Variants in RNF6 observed in about 807,000 individuals in gnomAD.
RNF6 encodes the protein ring finger protein 6.
A neutral mutation model predicts 50.1 loss-of-function variants in RNF6; 21 were observed. The ratio of observed to expected loss-of-function variants is 0.42; its 90% CI spans 0.30 to 0.60. The LOEUF (loss-of-function observed/expected upper bound fraction) is 0.60. Ranked by LOEUF, RNF6 falls within the 20% of genes least tolerant of loss-of-function variation. The pLI is 0.20. For synonymous variants in RNF6, 255 were observed against 291.8 expected, an observed-to-expected ratio of 0.87 and a Z score of 1.29; for missense variants, 698 against 838.2, an observed-to-expected ratio of 0.83 and a Z score of 2.07.
chr13:26,165,699 T>C (rs1872418869), intron 5 of RNF6, among the ~76,000 whole-genome samples: 1 of 152,270 alleles, frequency 6.6e-6, no homozygotes, highest in Non-Finnish European at 1.5e-5. Context: ...TTGACTGCCC[T>C]GCTGGATTTT....
At chr13:26,186,938 C>T (rs1287932725) in intron 5 of RNF6, among the ~76,000 whole-genome samples, 2 of 152,234 alleles carry the variant, frequency 1.3e-5, no homozygotes, top group African/African-American at 2.4e-5. Context: ...CCACCACGCC[C>T]GGCTAATTTT....
intron 5 of RNF6, among the ~76,000 whole-genome samples, chr13:26,176,185 G>T (rs749098966): frequency 6.6e-6 from 1 of 152,172 alleles, no homozygotes; most frequent in Non-Finnish European, 1.5e-5. Flanking sequence ...ACTGAAATTC[G>T]CCCTTCCTAG....
At chr13:26,163,646 T>C (rs1872318354) in intron 5 of RNF6, among the ~76,000 whole-genome samples, 1 of 152,182 alleles carries the variant, frequency 6.6e-6, no homozygotes, top group East Asian at 1.9e-4. Context: ...TTCCTTCACC[T>C]CTCAACACCT....
chr13:26,188,623 CTTTTTTTTTTT>C (rs1163881143), intron 5 of RNF6, among the ~76,000 whole-genome samples: 3 of 43,256 alleles, frequency 6.9e-5, no homozygotes, highest in South Asian at 1.0e-3. Flanking sequence ...GTCAAAAGAG[CTTTTTTTTTTT>C]TTTTTTTTTT....
chr13:26,175,166 C>G (rs1872892246), intron 5 of RNF6, among the ~76,000 whole-genome samples: 1 of 152,094 alleles, frequency 6.6e-6, no homozygotes, highest in Non-Finnish European at 1.5e-5. Flanking sequence ...CTGCAACCTC[C>G]ACCTCCCAGG....
At chr13:26,141,344 C>T (rs560476217) in intron 5 of RNF6, among the ~76,000 whole-genome samples, 3 of 150,926 alleles carry the variant, frequency 2.0e-5, no homozygotes, top group African/African-American at 4.9e-5. Context: ...AGGAGAATTG[C>T]TTGAACCTGG....
chr13:26,199,659 A>G (rs748376628), intron 5 of RNF6, among the ~76,000 whole-genome samples: 32 of 152,210 alleles, frequency 2.1e-4, no homozygotes, highest in Non-Finnish European at 4.0e-4. Context: ...GATATAAATT[A>G]CAAATGAATA....
intron 5 of RNF6, among the ~76,000 whole-genome samples, chr13:26,172,731 G>A (rs1021864054): frequency 2.6e-5 from 4 of 152,094 alleles, no homozygotes; most frequent in African/African-American, 9.7e-5. Context: ...TTTTAGTACA[G>A]ATAAGGTTTC....
At chr13:26,157,038 G>A (rs1293146229) in intron 5 of RNF6, among the ~76,000 whole-genome samples, 11 of 152,148 alleles carry the variant, frequency 7.2e-5, no homozygotes, top group Admixed American at 2.0e-4. Context: ...GAATGCCTAG[G>A]GTTGGGGTGT....
At chr13:26,198,756 A>C (rs1320471611) in intron 5 of RNF6, among the ~76,000 whole-genome samples, 2 of 152,060 alleles carry the variant, frequency 1.3e-5, no homozygotes, top group African/African-American at 4.8e-5. Flanking sequence ...AATACTTTTA[A>C]AAGCTATTAA....
At chr13:26,194,614 G>T (rs952114334) in intron 5 of RNF6, among the ~76,000 whole-genome samples, 2 of 151,248 alleles carry the variant, frequency 1.3e-5, no homozygotes, top group Non-Finnish European at 2.9e-5. Context: ...TATTAGTCAG[G>T]GTTCTCTAGA....
downstream of RNF6, among the ~76,000 whole-genome samples, chr13:26,211,690 G>A (rs1383673813): frequency 1.3e-5 from 2 of 152,058 alleles, no homozygotes; most frequent in African/African-American, 2.4e-5. Context: ...CCTGTGAGGC[G>A]GAGGTTGCAG....
intron 5 of RNF6, among the ~76,000 whole-genome samples, chr13:26,171,348 A>G (rs989692823): frequency 3.9e-5 from 6 of 152,192 alleles, no homozygotes; most frequent in African/African-American, 1.2e-4. Context: ...GTAAAATAAC[A>G]CTTCACACCT....
intron 5 of RNF6, among the ~76,000 whole-genome samples, chr13:26,138,537 A>G (rs1314219452): frequency 2.0e-5 from 3 of 152,174 alleles, no homozygotes; most frequent in African/African-American, 7.2e-5. Flanking sequence ...AGCAATAATT[A>G]TAAATCAGTG....
chr13:26,204,496 C>CAAA (rs71080239), intron 5 of RNF6, among the ~76,000 whole-genome samples: 967 of 68,816 alleles, frequency 0.014, 25 homozygotes, highest in East Asian at 0.11. Context: ...GACTCCACCT[C>CAAA]AAAAAAAAAA....
At chr13:26,209,577 GAATTGACAC>G (rs1869235492), downstream of RNF6, among the ~76,000 whole-genome samples, 1 of 152,154 alleles carries the variant, frequency 6.6e-6, no homozygotes, top group Non-Finnish European at 1.5e-5. Context: ...GCTAATGGAG[GAATTGACAC>G]TACCTAGAAA....
At chr13:26,166,967 T>C (rs1358895208) in intron 5 of RNF6, among the ~76,000 whole-genome samples, 1 of 152,212 alleles carries the variant, frequency 6.6e-6, no homozygotes, top group Non-Finnish European at 1.5e-5. Context: ...TCCCAAGCCA[T>C]GTGGAACTTA....
At chr13:26,160,834 T>G (rs1379065848) in intron 5 of RNF6, among the ~76,000 whole-genome samples, 1 of 152,204 alleles carries the variant, frequency 6.6e-6, no homozygotes, top group African/African-American at 2.4e-5. Flanking sequence ...CTTCTTGCTT[T>G]GTCCTCATGT....
rs9581552 is a variant in RNF6, at chr13:26,139,641, T to C, written n.769-7190A>G. Among the ~76,000 whole-genome samples, 1,516 of 152,278 alleles carry C rather than the reference T, an allele frequency of 1.0e-2. 31 individuals are homozygous for C. Among genetic ancestry groups the C allele is most frequent in the African/African-American group, 0.035 (1,442 of 41,548 alleles). ...AACCTCAAGATCAGTTTGAAGGAAA[T>C]TGACATCTTTATAATATTGACTCTT... On this transcript the variant is annotated intron_variant and non_coding_transcript_variant, in intron 5 of 5. Transcript: ENST00000468480.
Sources: allele counts gnomAD v4.1 joint callset (sites outside exome capture counted in the v4.1 genomes callset), GRCh38; gene constraint gnomAD v4.1.1; transcripts MANE v1.5; gene names NCBI Gene and HGNC (gene_info 2026-07-23, HGNC 2026-07-21).